The following PRMT2 variants were observed in gnomAD, a reference collection of about 807,000 sequenced individuals.
PRMT2 encodes protein arginine N-methyltransferase 2.
A neutral mutation model predicts 57.6 loss-of-function variants in PRMT2; 26 were observed. The observed-to-expected ratio is 0.45, with a 90% CI of 0.33 to 0.63. The LOEUF (loss-of-function observed/expected upper bound fraction) is 0.63, where lower values mean the gene tolerates loss of function less well. Ranked by LOEUF, PRMT2 falls within the 20% of genes least tolerant of loss-of-function variation. PRMT2 has a pLI of 0.02. For synonymous variants in PRMT2, 219 were observed against 220.0 expected (o/e 1.00, Z 0.04); for missense variants, 472 against 564.4 (o/e 0.84, Z 1.66).
rs1192254131 is a variant in PRMT2 at position 46,650,002 on chromosome 21, C to T, written c.654+263C>T. On this transcript the variant is annotated intron_variant, in intron 7 of 11. Coordinates refer to ENST00000355680, the MANE Select transcript of PRMT2 (RefSeq NM_206962.4). ...TGATTTACATGAACTGTGTTCTCCT[C>T]GGGGATCTGTAAAAATCCTGTGCCT... 63 of 1,409,158 alleles carry T rather than the reference C, an allele frequency of 4.5e-5. 1 individual carries two copies. Among genetic ancestry groups the T allele is most frequent in the East Asian group, 4.0e-4 (16 of 39,824 alleles). 87.3% of individuals were successfully genotyped at this position (1,409,158 alleles called of 1,614,324 possible). A position where few individuals can be genotyped will look rare whatever the true frequency, so the allele number is the denominator to read the frequency against.
In PRMT2 at chr21:46,648,420, G is replaced by C; in HGVS notation, c.328-38G>C. ...CAGTCCAGACCTCAGCATGGCTCTAGGTCACAGGCAGTGATTCTGAATGTG... is the reference window on the plus strand; with the variant it reads ...CAGTCCAGACCTCAGCATGGCTCTACGTCACAGGCAGTGATTCTGAATGTG... On this transcript the variant is annotated intron_variant, in intron 5 of 11. Transcript: ENST00000355680. The surrounding 1 kb of genome is among the most constrained non-coding windows in gnomAD (Gnocchi z 4.8). 1.2e-6 allele frequency: 2 copies of C among 1,608,406 alleles called. No homozygotes were observed. Among genetic ancestry groups the C allele is most frequent in the Non-Finnish European group, 1.7e-6 (2 of 1,176,444 alleles).
At chr21:46,656,062 T>A (rs747633639) in intron 7 of PRMT2, among the ~76,000 whole-genome samples, 24 of 152,018 alleles carry the variant, frequency 1.6e-4, no homozygotes, top group Non-Finnish European at 3.1e-4. Flanking sequence ...GGTGTTTGGG[T>A]CATGGGTGTG....
In PRMT2 at chr21:46,664,576, G is replaced by A; in HGVS notation, c.*249G>A. On this transcript the variant is annotated 3_prime_UTR_variant, in exon 12 of 12. Coordinates refer to ENST00000355680, the MANE Select transcript of PRMT2 (RefSeq NM_206962.4). Reference sequence around the variant, plus strand: ...CCTCTAGAAGTAGGCTGTGTTTCCAGGTGTTCACCCGTGGTGCCCACAGTG... The same window carrying A: ...CCTCTAGAAGTAGGCTGTGTTTCCAAGTGTTCACCCGTGGTGCCCACAGTG... 1.7e-6 allele frequency: 1 copy of A among 583,546 alleles called. No homozygotes were observed. Among genetic ancestry groups the A allele is most frequent in the Admixed American group, 3.0e-5 (1 of 33,828 alleles). The allele number at this position is 583,546 out of a possible 1,614,324, so 36.1% of individuals were successfully genotyped here.
chr21:46,637,133 A>G, intron 3 of PRMT2, 143 bp downstream of exon 3: 1 of 736,976 alleles, frequency 1.4e-6, no homozygotes, highest in South Asian at 1.8e-5. Context: ...AAATGTGAAG[A>G]TTGTGAGGCA....
rs2061575747 is a variant in PRMT2, at chr21:46,658,736, C to G, written c.655-9C>G. 4 of 1,613,622 alleles carry G rather than the reference C, an allele frequency of 2.5e-6. No homozygotes were observed. The highest frequency in any genetic ancestry group is 3.4e-6 in the Non-Finnish European group (4 of 1,179,740). ...ATGTGTCTCCTGTGTGTCTTTCACTCCTATGCAGTTTGAGTTCATGATCGA... is the reference window on the plus strand; with the variant it reads ...ATGTGTCTCCTGTGTGTCTTTCACTGCTATGCAGTTTGAGTTCATGATCGA... On this transcript the variant is annotated splice_polypyrimidine_tract_variant and intron_variant, in intron 7 of 11. Coordinates refer to ENST00000355680, the MANE Select transcript of PRMT2 (RefSeq NM_206962.4).
intron 5 of PRMT2, among the ~76,000 whole-genome samples, chr21:46,644,952 T>G (rs909798773): frequency 6.6e-6 from 1 of 151,992 alleles, no homozygotes; most frequent in South Asian, 2.1e-4. Flanking sequence ...AAAATGAAAT[T>G]AGGCTGAGTG....
intron 3 of PRMT2, among the ~76,000 whole-genome samples, chr21:46,642,333 A>G (rs534141038): frequency 6.6e-6 from 1 of 151,066 alleles, no homozygotes; most frequent in Non-Finnish European, 1.5e-5. Flanking sequence ...CTGATAATTC[A>G]TAGACTGGAT....
At chr21:46,643,387 T>C (rs1286091959) in intron 3 of PRMT2, 148 bp from the exon 4 acceptor site, 8 of 1,255,530 alleles carry the variant, frequency 6.4e-6, no homozygotes, top group Non-Finnish European at 8.1e-6. Flanking sequence ...TTGATTATAG[T>C]AGTAAAGATG....
intron 4 of PRMT2, 88 bp from the exon 5 acceptor site, chr21:46,644,218 T>C: frequency 7.7e-7 from 1 of 1,304,636 alleles, no homozygotes; most frequent in Non-Finnish European, 1.1e-6. Context: ...TCTGTGATTT[T>C]GTCACCATTG....
At chr21:46,643,742 T>G in intron 4 of PRMT2, 103 bp downstream of exon 4, 191 of 1,365,534 alleles carry the variant, frequency 1.4e-4, no homozygotes, top group Non-Finnish European at 1.7e-4. Flanking sequence ...GAAGAGGTAT[T>G]CAGATGCGTA....
At chr21:46,641,123 CA>C (rs55728457) in intron 3 of PRMT2, among the ~76,000 whole-genome samples, 48 of 104,564 alleles carry the variant, frequency 4.6e-4, no homozygotes, top group East Asian at 1.3e-3. Flanking sequence ...GACCTCATCT[CA>C]AAAAAAAAAA....
At chr21:46,659,333 C>G in intron 8 of PRMT2, 2 of 990,672 alleles carry the variant, frequency 2.0e-6, no homozygotes, top group Non-Finnish European at 2.4e-6. Flanking sequence ...AAATGAGCAG[C>G]AACAATGGAT....
intron 8 of PRMT2, 56 bp downstream of exon 8, chr21:46,658,976 C>G: frequency 6.4e-7 from 1 of 1,571,822 alleles, no homozygotes; most frequent in Non-Finnish European, 8.7e-7. Flanking sequence ...GGTCCACAGT[C>G]TGCAGGTGGG....
intron 3 of PRMT2, among the ~76,000 whole-genome samples, chr21:46,639,785 A>G (rs1162606723): frequency 6.6e-6 from 1 of 151,462 alleles, no homozygotes; most frequent in Non-Finnish European, 1.5e-5. Flanking sequence ...GTAAAGAGCT[A>G]GTTGGGTCTA....
chr21:46,651,612 T>C (rs954939103), intron 7 of PRMT2, among the ~76,000 whole-genome samples: 5 of 151,384 alleles, frequency 3.3e-5, no homozygotes, highest in East Asian at 2.0e-4. Flanking sequence ...GACTTCAGAC[T>C]CCCCCCCAGG....
At chr21:46,652,767 T>C in intron 7 of PRMT2, 1 of 1,178,840 alleles carries the variant, frequency 8.5e-7, no homozygotes, top group South Asian at 1.6e-5. Flanking sequence ...ACAGGTGTCC[T>C]AGATTGTCAA....
intron 11 of PRMT2, 140 bp downstream of exon 11, chr21:46,663,694 G>A: frequency 1.2e-6 from 1 of 851,292 alleles, no homozygotes; most frequent in Admixed American, 2.8e-5. Context: ...TCCTTACACA[G>A]AAAGCGCCTG....
intron 7 of PRMT2, chr21:46,655,064 T>C: frequency 3.8e-6 from 1 of 264,918 alleles, no homozygotes; most frequent in Non-Finnish European, 5.8e-6. Flanking sequence ...AGATATTGAA[T>C]TAATAGTTTA....
chr21:46,641,281 G>C (rs1276951456), intron 3 of PRMT2, among the ~76,000 whole-genome samples: 1 of 152,204 alleles, frequency 6.6e-6, no homozygotes, highest in African/African-American at 2.4e-5. Flanking sequence ...ATCAAAGGGG[G>C]ATGGCTGAAG....
Sources: allele counts gnomAD v4.1 joint callset (sites outside exome capture counted in the v4.1 genomes callset), GRCh38; gene constraint gnomAD v4.1.1; non-coding constraint Gnocchi (gnomAD v3.1); transcripts MANE v1.5; gene names NCBI Gene and HGNC (gene_info 2026-07-23, HGNC 2026-07-21).